SLC35D4: variants seen among roughly 807,000 people sequenced by gnomAD.
SLC35D4 encodes solute carrier family 35 member D4.
chr18:23,265,248 G>A, the SLC35D4 span, among the ~76,000 whole-genome samples: 13 of 152,138 alleles, frequency 8.5e-5, no homozygotes, highest in Admixed American at 8.5e-4. Flanking sequence ...AACGGGAACT[G>A]GGGTGTGTGT....
the SLC35D4 span, among the ~76,000 whole-genome samples, chr18:23,328,348 C>G: frequency 2.6e-5 from 4 of 152,192 alleles, no homozygotes; most frequent in Non-Finnish European, 5.9e-5. Flanking sequence ...TAAGCAACTT[C>G]CGGAAAGTCT....
chr18:23,355,592 CTTTTTT>C, the SLC35D4 span, among the ~76,000 whole-genome samples: 2 of 141,650 alleles, frequency 1.4e-5, no homozygotes, highest in Admixed American at 7.1e-5. Context: ...CTCTGTAATT[CTTTTTT>C]TTTTTTTTTT....
At chr18:23,356,744 G>A in the SLC35D4 span, 1 of 1,352,632 alleles carries the variant, frequency 7.4e-7, no homozygotes, top group South Asian at 1.2e-5. This position sits in a 1 kb window ranked among gnomAD's most constrained non-coding sequence, Gnocchi z 4.1. Context: ...GAAATGCAAG[G>A]AAGGCGTCTT....
chr18:23,251,363 A>AACCTTAACC, the SLC35D4 span, among the ~76,000 whole-genome samples: 2 of 152,176 alleles, frequency 1.3e-5, no homozygotes, highest in African/African-American at 4.8e-5. Context: ...AGGCAGGAGA[A>AACCTTAACC]TTGCTTAAAC....
At chr18:23,352,266 A>T in the SLC35D4 span, 4 of 1,607,834 alleles carry the variant, frequency 2.5e-6, no homozygotes, top group Non-Finnish European at 2.5e-6. Flanking sequence ...TGTACTGAAC[A>T]TGAGAAAGAA....
chr18:23,430,816 C>A, the SLC35D4 span: 1 of 756,234 alleles, frequency 1.3e-6, no homozygotes, highest in Admixed American at 2.9e-5. Context: ...TTATTCCCAC[C>A]AAAATCACAA....
chr18:23,391,779 G>A, the SLC35D4 span, among the ~76,000 whole-genome samples: 1 of 152,104 alleles, frequency 6.6e-6, no homozygotes, highest in African/African-American at 2.4e-5. Context: ...GGGCCACCAT[G>A]TCTAGACTTT....
the SLC35D4 span, among the ~76,000 whole-genome samples, chr18:23,345,566 C>T: frequency 6.6e-6 from 1 of 150,676 alleles, no homozygotes; most frequent in South Asian, 2.1e-4. Flanking sequence ...CCATAAATGC[C>T]TATCCCTACA....
chr18:23,320,758 C>T, the SLC35D4 span, among the ~76,000 whole-genome samples: 3 of 152,240 alleles, frequency 2.0e-5, no homozygotes, highest in Non-Finnish European at 4.4e-5. Flanking sequence ...TGTTTAAGAG[C>T]TTGGTGGATC....
chr18:23,382,860 G>A, the SLC35D4 span, among the ~76,000 whole-genome samples: 1 of 152,200 alleles, frequency 6.6e-6, no homozygotes, highest in East Asian at 1.9e-4. Flanking sequence ...CCCTGCCTAA[G>A]GGCTCAGGGG....
the SLC35D4 span, among the ~76,000 whole-genome samples, chr18:23,270,096 A>T: frequency 2.0e-5 from 3 of 152,236 alleles, no homozygotes; most frequent in Non-Finnish European, 4.4e-5. Context: ...TCACAGGCCC[A>T]GAGGCCTAGG....
chr18:23,282,665 A>G, the SLC35D4 span, among the ~76,000 whole-genome samples: 1 of 152,174 alleles, frequency 6.6e-6, no homozygotes, highest in Admixed American at 6.5e-5. Context: ...TCCACAACCC[A>G]GTGACCCCAG....
At chr18:23,242,581 G>A in the SLC35D4 span, among the ~76,000 whole-genome samples, 4 of 152,334 alleles carry the variant, frequency 2.6e-5, no homozygotes, top group Non-Finnish European at 4.4e-5. Context: ...AGGCAATTAA[G>A]AGGAGAAAGT....
chr18:23,247,489 C>T, the SLC35D4 span, among the ~76,000 whole-genome samples: 4 of 152,220 alleles, frequency 2.6e-5, no homozygotes, highest in Non-Finnish European at 4.4e-5. Context: ...TTGGGGGTTG[C>T]CTGGTCCGCT....
chr18:23,239,993 C>T, the SLC35D4 span, among the ~76,000 whole-genome samples: 4 of 152,194 alleles, frequency 2.6e-5, no homozygotes, highest in Admixed American at 6.5e-5. Flanking sequence ...TGTTGCGCGC[C>T]TGTAGTCCCA....
chr18:23,401,208 C>T, the SLC35D4 span, among the ~76,000 whole-genome samples: 1 of 152,074 alleles, frequency 6.6e-6, no homozygotes, highest in South Asian at 2.1e-4. Flanking sequence ...AATTTGCCTG[C>T]GGTGAGAAGA....
the SLC35D4 span, among the ~76,000 whole-genome samples, chr18:23,376,609 T>C: frequency 1.3e-5 from 2 of 152,040 alleles, no homozygotes; most frequent in African/African-American, 4.8e-5. Context: ...AACAGGCAGG[T>C]TTTGTGGTGG....
chr18:23,412,384 C>A, the SLC35D4 span, among the ~76,000 whole-genome samples: 1 of 152,168 alleles, frequency 6.6e-6, no homozygotes, highest in Non-Finnish European at 1.5e-5. Flanking sequence ...AATACTAATA[C>A]CTTACAAATG....
chr18:23,311,836 C>T, the SLC35D4 span, among the ~76,000 whole-genome samples: 1 of 152,024 alleles, frequency 6.6e-6, no homozygotes, highest in Non-Finnish European at 1.5e-5. Flanking sequence ...ATTCCCCCCA[C>T]CCCCTTCATT....
Sources: gnomAD v4.1 joint callset for allele counts (sites outside exome capture counted in the v4.1 genomes callset) on GRCh38, gnomAD v4.1.1 for gene constraint, Gnocchi (gnomAD v3.1) non-coding constraint, MANE v1.5 for transcripts, NCBI Gene and HGNC (gene_info 2026-07-23, HGNC 2026-07-21) for gene names.